The following ADAM9 variants were observed in gnomAD, a reference collection of about 807,000 sequenced individuals.
ADAM9 encodes ADAM metallopeptidase domain 9.
Under a neutral mutation model 108.1 loss-of-function variants are expected in ADAM9, and 54 were observed. The observed-to-expected ratio is 0.50, with a 90% CI of 0.40 to 0.63. The LOEUF (loss-of-function observed/expected upper bound fraction) is 0.63. ADAM9 is among the 20% of genes least tolerant of loss of function. The pLI, the probability that ADAM9 is intolerant of heterozygous loss-of-function variation, is 0.00. For missense variants in ADAM9, 830 were observed against 997.7 expected, an observed-to-expected ratio of 0.83 and a Z score of 2.26; for synonymous variants, 316 against 336.0, an observed-to-expected ratio of 0.94 and a Z score of 0.65.
chr8:39,071,009 G>T (rs1315624692), intron 14 of ADAM9, among the ~76,000 whole-genome samples: 1 of 152,160 alleles, frequency 6.6e-6, no homozygotes, highest in Non-Finnish European at 1.5e-5. Context: ...ACTGTGCATG[G>T]TTTTTAATTT....
chr8:39,085,995 T>G (rs1328212341), intron 18 of ADAM9, among the ~76,000 whole-genome samples: 2 of 152,098 alleles, frequency 1.3e-5, no homozygotes, highest in Non-Finnish European at 2.9e-5. Flanking sequence ...TTATTTTTGT[T>G]TTTTTTTCTT....
intron 16 of ADAM9, among the ~76,000 whole-genome samples, chr8:39,081,851 CAACA>C (rs1471699722): frequency 6.6e-6 from 1 of 152,148 alleles, no homozygotes; most frequent in Admixed American, 6.5e-5. Flanking sequence ...AAATAGCACT[CAACA>C]GTCTTTTAAA....
intron 20 of ADAM9, among the ~76,000 whole-genome samples, chr8:39,097,524 T>C (rs1231503609): frequency 6.6e-6 from 1 of 152,128 alleles, no homozygotes; most frequent in Admixed American, 6.6e-5. Context: ...GCCAGGCTGG[T>C]CTCGAACTCC....
intron 3 of ADAM9, among the ~76,000 whole-genome samples, chr8:39,013,375 T>A (rs549977245): frequency 0.011 from 625 of 57,492 alleles, 5 homozygotes; most frequent in African/African-American, 0.043. Flanking sequence ...TTATTTATGT[T>A]GTCTTAAATT....
Position 39,082,624 on chromosome 8 carries a change from ATTTT to A in ADAM9, c.1882-7_1882-4del. ...TGCTCAATCTTTCTTTACTTAGTTC[ATTTT>A]TTTTTTTTTCAGATCTGTAGAAACT... On this transcript the variant is annotated splice_polypyrimidine_tract_variant and intron_variant, in intron 16 of 21. Coordinates refer to ENST00000487273, the MANE Select transcript of ADAM9 (RefSeq NM_003816.3). 1 of 1,223,216 alleles carries A rather than the reference ATTTT, an allele frequency of 8.2e-7. No homozygotes were observed. Among genetic ancestry groups the A allele is most frequent in the Non-Finnish European group, 1.1e-6 (1 of 880,412 alleles). The allele number at this position is 1,223,216 out of a possible 1,614,324, so 75.8% of individuals were successfully genotyped here.
intron 11 of ADAM9, among the ~76,000 whole-genome samples, chr8:39,034,923 T>C (rs887597077): frequency 6.6e-6 from 1 of 152,250 alleles, no homozygotes; most frequent in African/African-American, 2.4e-5. Flanking sequence ...TATGTCTTCA[T>C]ATCCTGCTTA....
chr8:39,038,180 C>G (rs1043547638), intron 11 of ADAM9, among the ~76,000 whole-genome samples: 1 of 152,160 alleles, frequency 6.6e-6, no homozygotes, highest in East Asian at 1.9e-4. Flanking sequence ...TATGGTGATC[C>G]TATTAAAACA....
intron 1 of ADAM9, 61 bp from the exon 2 acceptor site, chr8:39,007,825 A>G (rs1836212047): frequency 1.8e-6 from 2 of 1,140,886 alleles, no homozygotes; most frequent in South Asian, 2.5e-5. Context: ...TTTTCATTAT[A>G]TTGTGTTCCC....
At chr8:39,045,428 C>CTATA (rs939866246) in intron 12 of ADAM9, among the ~76,000 whole-genome samples, 1 of 130,712 alleles carries the variant, frequency 7.7e-6, no homozygotes, top group Non-Finnish European at 1.7e-5. Flanking sequence ...GTACACACAC[C>CTATA]TATATGTGCG....
chr8:39,029,122 G>A (rs1204221094), intron 11 of ADAM9, among the ~76,000 whole-genome samples: 1 of 107,084 alleles, frequency 9.3e-6, no homozygotes, highest in Non-Finnish European at 1.8e-5. Context: ...CCAAAAAAGT[G>A]TTGTTGTTGT....
In ADAM9 at chr8:39,082,658, G is replaced by C. The variant is rs1174780189; in HGVS notation, c.1899G>C (p.Gln633His). The change falls in exon 17 of 22, where the codon CAG becomes CAC. Residue 633 changes from glutamine to histidine, a missense_variant. Gln to His is a conservative substitution (Grantham distance 24). This residue lies in a region of ADAM9 where 238 missense variants were observed against 235.7 expected (regional missense o/e 1.01). Coordinates refer to ENST00000487273, the MANE Select transcript of ADAM9 (RefSeq NM_003816.3). ...CGAGKICRNF[Q>H]CVDASVLNYD... Reference sequence around the variant, plus strand: ...TTTTTCAGATCTGTAGAAACTTCCAGTGTGTAGATGCTTCTGTTCTGAATT... The same window carrying C: ...TTTTTCAGATCTGTAGAAACTTCCACTGTGTAGATGCTTCTGTTCTGAATT... 2 of 1,610,442 alleles carry C rather than the reference G, an allele frequency of 1.2e-6. No individual in the cohort carries two copies. The highest frequency in any genetic ancestry group is 1.7e-6 in the Non-Finnish European group (2 of 1,178,220).
chr8:39,068,285 G>C (rs976254949), intron 14 of ADAM9, among the ~76,000 whole-genome samples: 3 of 152,050 alleles, frequency 2.0e-5, no homozygotes, highest in African/African-American at 7.2e-5. Context: ...TTTTTAATTA[G>C]GGAAATGGAA....
At chr8:39,026,061 G>T (rs1466913426) in intron 10 of ADAM9, among the ~76,000 whole-genome samples, 177 bp downstream of exon 10, 1 of 152,128 alleles carries the variant, frequency 6.6e-6, no homozygotes, top group East Asian at 1.9e-4. Flanking sequence ...TTAAATATGT[G>T]CTATGTGTTT....
At chr8:39,053,893 C>T (rs1838032757) in intron 12 of ADAM9, among the ~76,000 whole-genome samples, 2 of 152,138 alleles carry the variant, frequency 1.3e-5, no homozygotes, top group African/African-American at 4.8e-5. Context: ...TTTGTGCTTC[C>T]CCAAAACTCA....
At position 39,016,113 on chromosome 8, in the gene ADAM9, T is replaced by C. The variant is rs1434106744; in HGVS notation, c.334-5T>C. On this transcript the variant is annotated splice_polypyrimidine_tract_variant and splice_region_variant and intron_variant, in intron 4 of 21. Transcript: ENST00000487273. Reference sequence around the variant, plus strand: ...TTTGAAGATAATACAGTATTTTTCATTTAGAATCATTGTCATTATCGGGGC... The same window carrying C: ...TTTGAAGATAATACAGTATTTTTCACTTAGAATCATTGTCATTATCGGGGC... 39 of 1,612,090 alleles carry C rather than the reference T, an allele frequency of 2.4e-5. No homozygotes were observed. The highest frequency in any genetic ancestry group is 3.3e-5 in the Non-Finnish European group (39 of 1,178,248).
chr8:39,023,022 A>G (rs1836796817), intron 8 of ADAM9, 134 bp from the exon 9 acceptor site: 6 of 804,334 alleles, frequency 7.5e-6, no homozygotes, highest in South Asian at 1.9e-5. Flanking sequence ...CCAAAGTCTC[A>G]TTGTATTAAA....
rs758941052 is a variant in ADAM9, at chr8:38,997,108, G to A, written c.45G>A (p.Arg15=). ...TTCCCTCGGGGACCCTTCGTGTCCG[G>A]TGGTTGCTGTTGCTTGGCCTGGTGG... The part of the protein sequence containing the change: ...ARFPSGTLRV[R]WLLLLGLVGP... The change falls in exon 1 of 22, where the codon CGG becomes CGA. Residue 15 remains arginine (R), a synonymous_variant. Coordinates refer to ENST00000487273, the MANE Select transcript of ADAM9 (RefSeq NM_003816.3). 2 of 1,606,100 alleles carry A rather than the reference G, an allele frequency of 1.2e-6. No homozygotes were observed. The highest frequency in any genetic ancestry group is 1.1e-5 in the South Asian group (1 of 91,060).
chr8:39,090,331 C>T, intron 19 of ADAM9, 143 bp downstream of exon 19: 1 of 668,850 alleles, frequency 1.5e-6, no homozygotes, highest in South Asian at 2.0e-5. Context: ...CCACCACACC[C>T]AGTTAATTTT....
chr8:39,084,684 G>A (rs1430482728), intron 18 of ADAM9, among the ~76,000 whole-genome samples: 1 of 151,596 alleles, frequency 6.6e-6, no homozygotes, highest in Non-Finnish European at 1.5e-5. Flanking sequence ...ATTCTTAGGT[G>A]GAATATTCTG....
Sources: gnomAD v4.1 joint callset for allele counts (sites outside exome capture counted in the v4.1 genomes callset) on GRCh38, gnomAD v4.1.1 for gene constraint, gnomAD v4.1.1 regional missense constraint, MANE v1.5 for transcripts, NCBI Gene and HGNC (gene_info 2026-07-23, HGNC 2026-07-21) for gene names.